VWA8: variants seen among roughly 807,000 people sequenced by gnomAD.
VWA8 encodes von Willebrand factor A domain-containing protein 8.
Under a neutral mutation model 241.5 loss-of-function variants are expected in VWA8, and 221 were observed. That is an observed-to-expected ratio of 0.91 (90% CI 0.82 to 1.02). The LOEUF (loss-of-function observed/expected upper bound fraction) is 1.02. Ranked by LOEUF, VWA8 falls within the 50% of genes least tolerant of loss-of-function variation. VWA8 has a pLI of 0.00. For synonymous variants in VWA8, 852 were observed against 827.1 expected (o/e 1.03, Z -0.52); for missense variants, 2,322 against 2,328.7 (o/e 1.00, Z 0.06).
chr13:41,772,833 A>C (rs2045834841), intron 20 of VWA8, among the ~76,000 whole-genome samples: 1 of 152,246 alleles, frequency 6.6e-6, no homozygotes, highest in Admixed American at 6.5e-5. Context: ...TTCTTAGAAA[A>C]GATAGTATCT....
rs1448420977 is a variant in VWA8, at chr13:41,699,155, T to C, written c.3480A>G (p.Thr1160=). 2 of 1,614,150 alleles carry C rather than the reference T, an allele frequency of 1.2e-6. No individual in the cohort carries two copies. Among genetic ancestry groups the C allele is most frequent in the South Asian group, 2.2e-5 (2 of 91,078 alleles). Residue 1160 remains threonine, a synonymous_variant, in exon 29 of 45, where the codon ACA becomes ACG. Transcript: ENST00000379310. The stretch of plus-strand genomic sequence containing the variant: ...CAAAAGGGTGCCAAACGCCATTGGC[T>C]GTTCTTGGGAAGATATCAAAAAAGT... The part of the protein sequence containing the change: ...FVDFFDIFPR[T]ANGVWHPFVT...
Position 41,642,790 on chromosome 13 carries a change from G to A in VWA8, c.4612-27706C>T, listed in dbSNP as rs572468410. ...CTAAAAATAAGAAGATTAGCCAGGC[G>A]TGGTGACAGGCACCTGTGGTCCCAG... On this transcript the variant is annotated intron_variant, in intron 37 of 44. Coordinates refer to ENST00000379310, the MANE Select transcript of VWA8 (RefSeq NM_015058.2). Among the ~76,000 whole-genome samples the A allele has an allele frequency of 3.7e-4, 55 of 150,194 alleles. 1 individual carries two copies. The South Asian group carries it at 0.011, about 29-fold the overall frequency.
At chr13:41,826,863 G>C (rs1566472474) in intron 14 of VWA8, among the ~76,000 whole-genome samples, 1 of 152,010 alleles carries the variant, frequency 6.6e-6, no homozygotes, top group Non-Finnish European at 1.5e-5. Context: ...GCTAGAACAA[G>C]ACCCTATCTC....
At chr13:41,835,106 A>T (rs1871660332) in intron 12 of VWA8, among the ~76,000 whole-genome samples, 1 of 152,216 alleles carries the variant, frequency 6.6e-6, no homozygotes, top group Non-Finnish European at 1.5e-5. Context: ...GAGGAGGGAT[A>T]GCATCAGGAA....
chr13:41,593,273 GATT>G (rs1429513285), intron 40 of VWA8, among the ~76,000 whole-genome samples: 3 of 152,168 alleles, frequency 2.0e-5, no homozygotes, highest in Admixed American at 2.0e-4. Context: ...CCAGCATATA[GATT>G]ATTAATTTTG....
intron 35 of VWA8, among the ~76,000 whole-genome samples, chr13:41,681,800 G>A (rs967253774): frequency 1.3e-5 from 2 of 152,090 alleles, no homozygotes; most frequent in Non-Finnish European, 2.9e-5. Context: ...ATATAGATTT[G>A]AACAAGACCT....
chr13:41,701,528 A>G lies in VWA8; in HGVS notation c.3228T>C (p.Gly1076=). The change falls in exon 28 of 45, where the codon GGT becomes GGC. Residue 1076 remains glycine, a splice_region_variant and synonymous_variant. Coordinates refer to ENST00000379310, the MANE Select transcript of VWA8 (RefSeq NM_015058.2). The part of the protein sequence containing the change: ...PVETHHIDIK[G]PALINIQEYP... The stretch of plus-strand genomic sequence containing the variant: ...ACTCCTGTATATTTATAAGTGCTGG[A>G]CCCTATAATAAAGCAGTTATCTCAG... The G allele has an allele frequency of 1.3e-6, 2 of 1,560,156 alleles. No homozygotes were observed. The highest frequency in any genetic ancestry group is 1.2e-5 in the South Asian group (1 of 81,188).
chr13:41,653,480 C>T (rs537098703), intron 37 of VWA8, among the ~76,000 whole-genome samples: 239 of 152,328 alleles, frequency 1.6e-3, no homozygotes, highest in African/African-American at 4.9e-3. Context: ...AATGGCCACA[C>T]TGCCCAAAGC....
In VWA8 at chr13:41,959,659, G is replaced by C. The variant is rs1268807192; in HGVS notation, c.163+1194C>G. ...GTCTTGCTCTGTCGCCCAGGCCGGA[G>C]TGCAGTGGCTCCGGTCACTCCAAGC... On this transcript the variant is annotated intron_variant, in intron 1 of 44. Coordinates refer to ENST00000379310, the MANE Select transcript of VWA8 (RefSeq NM_015058.2). Among the ~76,000 whole-genome samples the C allele has an allele frequency of 2.4e-5, 3 of 123,228 alleles. No individual in the cohort carries two copies. In the East Asian group the frequency reaches 8.6e-4, roughly 35 times the overall value. 80.8% of individuals were successfully genotyped at this position (123,228 alleles called of 152,430 possible). A position where few individuals can be genotyped will look rare whatever the true frequency, so the allele number is the denominator to read the frequency against.
At chr13:41,863,187 C>CACACACACACACACACACACACACACTA (rs1566485233) in intron 12 of VWA8, among the ~76,000 whole-genome samples, 7 of 149,002 alleles carry the variant, frequency 4.7e-5, no homozygotes, top group African/African-American at 1.8e-4. Context: ...CAAGACGGGT[C>CACACACACACACACACACACACACACTA]TAGCCTCCCA....
Position 41,616,680 on chromosome 13 carries a change from T to G in VWA8, c.4612-1596A>C, listed in dbSNP as rs116701296. On this transcript the variant is annotated intron_variant, in intron 37 of 44. Coordinates refer to ENST00000379310, the MANE Select transcript of VWA8 (RefSeq NM_015058.2). ...ATGTTTATATTTGAGGTGACCAATA[T>G]GGTAGTCACTAGCCATTAGCTCAAT... 4.3e-3 allele frequency among the ~76,000 whole-genome samples: 662 copies of G among 152,336 alleles called. 4 individuals carry two copies. Among genetic ancestry groups the G allele is most frequent in the African/African-American group, 0.015 (617 of 41,574 alleles).
intron 21 of VWA8, 98 bp downstream of exon 21, chr13:41,761,030 A>T: frequency 8.2e-7 from 1 of 1,221,220 alleles, no homozygotes; most frequent in South Asian, 1.4e-5. Flanking sequence ...AAACTGGTTT[A>T]TAAAATGGGC....
chr13:41,894,153 T>C (rs370176634), intron 4 of VWA8, among the ~76,000 whole-genome samples: 7 of 152,202 alleles, frequency 4.6e-5, no homozygotes, highest in African/African-American at 1.4e-4. Context: ...CAAAATGTAA[T>C]GGTTCACCAT....
At chr13:41,960,422 A>G (rs1878556115) in intron 1 of VWA8, among the ~76,000 whole-genome samples, 1 of 152,220 alleles carries the variant, frequency 6.6e-6, no homozygotes. Context: ...CTAAGCCGCC[A>G]CAAGCCCTGG....
At chr13:41,935,477 G>A (rs1305620094) in intron 2 of VWA8, among the ~76,000 whole-genome samples, 2 of 152,048 alleles carry the variant, frequency 1.3e-5, no homozygotes, top group Non-Finnish European at 2.9e-5. Context: ...CATAGAAAAA[G>A]CGGTTAGAAC....
chr13:41,619,669 T>A (rs1224680059), intron 37 of VWA8, among the ~76,000 whole-genome samples: 4 of 152,360 alleles, frequency 2.6e-5, no homozygotes, highest in African/African-American at 9.6e-5. Context: ...ATTGAGAGTT[T>A]TTAGCATGAA....
At chr13:41,829,198 C>T (rs1566473210) in intron 14 of VWA8, among the ~76,000 whole-genome samples, 1 of 152,094 alleles carries the variant, frequency 6.6e-6, no homozygotes, top group Non-Finnish European at 1.5e-5. Context: ...GAGATACCAC[C>T]TTACTCCTGC....
chr13:41,719,521 T>A, intron 26 of VWA8, 70 bp downstream of exon 26: 1 of 1,603,162 alleles, frequency 6.2e-7, no homozygotes, highest in Non-Finnish European at 8.5e-7. Context: ...CAACTCAGTT[T>A]TGTAGAATGG....
chr13:41,721,022 T>A (rs2045385840), intron 25 of VWA8, among the ~76,000 whole-genome samples: 2 of 152,096 alleles, frequency 1.3e-5, no homozygotes, highest in Admixed American at 6.6e-5. Context: ...AATGAAAATA[T>A]TTTTTACCTG....
Sources: gnomAD v4.1 joint callset for allele counts (sites outside exome capture counted in the v4.1 genomes callset) on GRCh38, gnomAD v4.1.1 for gene constraint, MANE v1.5 for transcripts, NCBI Gene and HGNC (gene_info 2026-07-23, HGNC 2026-07-21) for gene names.